The following NELL1 variants were observed in gnomAD, a reference collection of about 807,000 sequenced individuals.
The protein encoded by NELL1 is neural EGFL like 1.
NELL1 carries 76 observed loss-of-function variants against 107.4 expected under a neutral mutation model. The ratio of observed to expected loss-of-function variants is 0.71; its 90% CI spans 0.59 to 0.86. The LOEUF (loss-of-function observed/expected upper bound fraction) is 0.86, where lower values mean the gene tolerates loss of function less well. Ranked by LOEUF, NELL1 falls within the 40% of genes least tolerant of loss-of-function variation. The pLI, the probability that NELL1 is intolerant of heterozygous loss-of-function variation, is 0.00. For synonymous variants in NELL1, 353 were observed against 341.2 expected (o/e 1.03, Z -0.38); for missense variants, 1,024 against 1,005.5 (o/e 1.02, Z -0.25).
At position 21,274,807 on chromosome 11, in the gene NELL1, C is replaced by T. The variant is rs184029960; in HGVS notation, c.1549+45353C>T. ...CCTGTTCCTGAATGACTACTGGGTA[C>T]GTAACGAAATGAAGGCAGAAATAAA... is the stretch of plus-strand genomic sequence containing the variant. On this transcript the variant is annotated intron_variant, in intron 14 of 19. Transcript: ENST00000357134. 3.8e-3 allele frequency among the ~76,000 whole-genome samples: 578 copies of T among 152,088 alleles called. 2 individuals are homozygous for T. Among genetic ancestry groups the T allele is most frequent in the African/African-American group, 9.5e-3 (394 of 41,490 alleles).
chr11:21,216,862 T>C (rs1223129480), intron 13 of NELL1, among the ~76,000 whole-genome samples: 1 of 152,124 alleles, frequency 6.6e-6, no homozygotes, highest in Non-Finnish European at 1.5e-5. Flanking sequence ...AGTTAGGACT[T>C]TGGGGGACTG....
chr11:20,732,509 G>T (rs906646962), intron 2 of NELL1, among the ~76,000 whole-genome samples: 2 of 152,132 alleles, frequency 1.3e-5, no homozygotes, highest in Non-Finnish European at 2.9e-5. Context: ...TTAATGGTGT[G>T]CCTGAATGAC....
chr11:21,119,450 T>G (rs1339675806), intron 13 of NELL1, among the ~76,000 whole-genome samples: 1 of 151,500 alleles, frequency 6.6e-6, no homozygotes, highest in Non-Finnish European at 1.5e-5. Flanking sequence ...ACATTGAGAA[T>G]AATTATCTAG....
At chr11:21,251,931 G>T (rs192129066) in intron 14 of NELL1, among the ~76,000 whole-genome samples, 2 of 152,088 alleles carry the variant, frequency 1.3e-5, no homozygotes. Context: ...GGAAAATCAA[G>T]GGCAAGAACA....
At chr11:20,910,680 GTTTA>G (rs1286029194) in intron 5 of NELL1, among the ~76,000 whole-genome samples, 2 of 152,178 alleles carry the variant, frequency 1.3e-5, no homozygotes, top group Non-Finnish European at 2.9e-5. Flanking sequence ...TTATGTGGGT[GTTTA>G]TTTGTTCATC....
intron 12 of NELL1, among the ~76,000 whole-genome samples, chr11:21,033,469 T>C (rs1312177707): frequency 6.6e-6 from 1 of 152,190 alleles, no homozygotes; most frequent in Non-Finnish European, 1.5e-5. Context: ...CTTTCACTTA[T>C]AAATGAAAAC....
intron 14 of NELL1, among the ~76,000 whole-genome samples, chr11:21,363,491 G>A (rs1386457369): frequency 6.6e-6 from 1 of 152,110 alleles, no homozygotes; most frequent in Admixed American, 6.5e-5. Context: ...AAGGATTGGT[G>A]AATTCCTTCA....
intron 14 of NELL1, among the ~76,000 whole-genome samples, chr11:21,369,289 G>T (rs960814917): frequency 6.6e-6 from 1 of 151,180 alleles, no homozygotes; most frequent in African/African-American, 2.4e-5. Context: ...TGGGACAAGA[G>T]ATTTTACCTC....
intron 15 of NELL1, among the ~76,000 whole-genome samples, chr11:21,461,172 A>G (rs1017821881): frequency 2.0e-5 from 3 of 152,052 alleles, no homozygotes; most frequent in African/African-American, 7.2e-5. Flanking sequence ...ATAGCTCACT[A>G]ATTATTTCAG....
intron 4 of NELL1, among the ~76,000 whole-genome samples, chr11:20,862,858 C>T (rs1269666345): frequency 3.3e-5 from 5 of 152,114 alleles, no homozygotes; most frequent in East Asian, 1.9e-4. Context: ...CATCTTGCAC[C>T]GCCCTTAATC....
intron 12 of NELL1, among the ~76,000 whole-genome samples, chr11:20,974,112 C>G (rs1164955044): frequency 1.3e-5 from 2 of 152,162 alleles, no homozygotes; most frequent in African/African-American, 2.4e-5. Context: ...GGGATTGTTG[C>G]CTGTTTTGCA....
At chr11:21,247,150 T>C (rs1858514296) in intron 14 of NELL1, among the ~76,000 whole-genome samples, 1 of 152,086 alleles carries the variant, frequency 6.6e-6, no homozygotes, top group Admixed American at 6.6e-5. Flanking sequence ...AGTCAGTGAG[T>C]GAGTGGTTGA....
chr11:20,801,128 C>G (rs945794237), intron 3 of NELL1, among the ~76,000 whole-genome samples: 2 of 152,146 alleles, frequency 1.3e-5, no homozygotes, highest in Non-Finnish European at 2.9e-5. Context: ...TCAATTGCTG[C>G]TGTGTGGTTT....
intron 13 of NELL1, among the ~76,000 whole-genome samples, chr11:21,157,161 A>ATGTGTG (rs58571261): frequency 6.7e-5 from 10 of 149,744 alleles, no homozygotes; most frequent in Admixed American, 2.0e-4. Flanking sequence ...ATATATATAT[A>ATGTGTG]TGTGTGTGTG....
chr11:21,223,764 T>G (rs59603848), intron 13 of NELL1, among the ~76,000 whole-genome samples: 1 of 152,162 alleles, frequency 6.6e-6, no homozygotes, highest in Non-Finnish European at 1.5e-5. Flanking sequence ...GAGTACTACT[T>G]TCATGAAAGT....
intron 12 of NELL1, among the ~76,000 whole-genome samples, chr11:21,107,393 C>T (rs1353504778): frequency 2.6e-5 from 4 of 152,100 alleles, no homozygotes; most frequent in Non-Finnish European, 5.9e-5. Context: ...AGTTAGCCAA[C>T]ACCACTGTGT....
intron 12 of NELL1, among the ~76,000 whole-genome samples, chr11:21,018,577 A>C (rs1852624648): frequency 6.6e-6 from 1 of 152,114 alleles, no homozygotes; most frequent in Non-Finnish European, 1.5e-5. Context: ...CCTCTCTGTC[A>C]GTCTGGCCGT....
At chr11:20,673,605 A>C (rs1316540824) in intron 1 of NELL1, among the ~76,000 whole-genome samples, 1 of 152,186 alleles carries the variant, frequency 6.6e-6, no homozygotes, top group East Asian at 1.9e-4. Context: ...AGCAGCAGGT[A>C]TCTTTGTTAG....
chr11:20,814,959 C>T (rs1314577656), intron 3 of NELL1, among the ~76,000 whole-genome samples: 2 of 152,178 alleles, frequency 1.3e-5, no homozygotes, highest in Non-Finnish European at 2.9e-5. Flanking sequence ...TCTCTACAAC[C>T]TTGCCAGCAT....
Sources: gnomAD v4.1 joint callset for allele counts (sites outside exome capture counted in the v4.1 genomes callset) on GRCh38, gnomAD v4.1.1 for gene constraint, MANE v1.5 for transcripts, NCBI Gene and HGNC (gene_info 2026-07-23, HGNC 2026-07-21) for gene names.